EFR3B: variants seen among roughly 807,000 people sequenced by gnomAD.
EFR3B encodes protein EFR3 homolog B.
In EFR3B, 64 loss-of-function variants were observed where a neutral mutation model predicts 104.7. The ratio of observed to expected loss-of-function variants is 0.61; its 90% CI spans 0.50 to 0.75. The LOEUF is 0.75. Ranked by LOEUF, EFR3B falls within the 30% of genes least tolerant of loss-of-function variation. The pLI is 0.00. For synonymous variants in EFR3B, 385 were observed against 417.9 expected, an observed-to-expected ratio of 0.92 and a Z score of 0.96; for missense variants, 750 against 1,078.5, an observed-to-expected ratio of 0.70 and a Z score of 4.27.
intron 4 of EFR3B, 89 bp from the exon 5 acceptor site, chr2:25,121,584 T>C: frequency 6.7e-7 from 1 of 1,499,940 alleles, no homozygotes; most frequent in Non-Finnish European, 9.0e-7. Context: ...TCCCATGGCT[T>C]GACCATGGCA....
intron 17 of EFR3B, 132 bp from the exon 18 acceptor site, chr2:25,143,603 T>C (rs1670734899): frequency 1.7e-6 from 2 of 1,145,944 alleles, no homozygotes; most frequent in Non-Finnish European, 2.4e-6. Flanking sequence ...GAGGTTGCAA[T>C]GAGCCGAGAT....
intron 4 of EFR3B, among the ~76,000 whole-genome samples, chr2:25,112,122 G>A (rs1485378775): frequency 6.6e-6 from 1 of 152,256 alleles, no homozygotes; most frequent in South Asian, 2.1e-4. Context: ...AACTCTTGTG[G>A]TTTTAACTGT....
chr2:25,145,417 T>A, intron 19 of EFR3B: 1 of 343,024 alleles, frequency 2.9e-6, no homozygotes, highest in Non-Finnish European at 5.3e-6. Flanking sequence ...CAAAAAATAA[T>A]TGAAAAATCA....
Position 25,042,641 on chromosome 2 carries a change from C to G in EFR3B, c.7+322C>G. On this transcript the variant is annotated intron_variant, in intron 1 of 22. Coordinates refer to ENST00000403714, the MANE Select transcript of EFR3B (RefSeq NM_014971.2). This position sits in a 1 kb window ranked among gnomAD's most constrained non-coding sequence, Gnocchi z 5.4. ...AGTGCTGGAGGAGGTGGTCGTGTGG[C>G]AGCATTTGCGGAATTAACAAAAGCG... is the stretch of plus-strand genomic sequence containing the variant. 8.8e-7 allele frequency: 1 copy of G among 1,131,134 alleles called. No individual in the cohort carries two copies. Among genetic ancestry groups the G allele is most frequent in the Non-Finnish European group, 1.1e-6 (1 of 924,004 alleles). 70.1% of individuals were successfully genotyped at this position (1,131,134 alleles called of 1,614,324 possible).
In EFR3B at chr2:25,158,774, G is replaced by C. The variant is rs1412818743; in HGVS notation, c.*4434G>C. ...CATGACTGTTGATTTCTGGCGCGTG[G>C]AGGCAGAGTTGTGAATCCACAAATG... On this transcript the variant is annotated 3_prime_UTR_variant, in exon 23 of 23. Transcript: ENST00000403714. 1 of 152,246 alleles carries C rather than the reference G, an allele frequency of 6.6e-6. No individual in the cohort carries two copies. Among genetic ancestry groups the C allele is most frequent in the Non-Finnish European group, 1.5e-5 (1 of 68,096 alleles). 9.4% of individuals were successfully genotyped at this position (152,246 alleles called of 1,614,324 possible). A position where few individuals can be genotyped will look rare whatever the true frequency, so the allele number is the denominator to read the frequency against.
rs779274599 is a variant in EFR3B at position 25,143,825 on chromosome 2, G to A, written c.2013G>A (p.Ser671=). The change falls in exon 18 of 23, where the codon TCG becomes TCA. Residue 671 remains serine (S), a synonymous_variant. Transcript: ENST00000403714. ...TCCTGGGAGGCAGTGGCTACAACTCGGACCGGCTCTGCCTGCCCTACATTC... is the reference window on the plus strand; with the variant it reads ...TCCTGGGAGGCAGTGGCTACAACTCAGACCGGCTCTGCCTGCCCTACATTC... ...SEVLGGSGYN[S]DRLCLPYIPQ... The A allele has an allele frequency of 5.8e-6, 9 of 1,551,532 alleles. No homozygotes were observed. The highest frequency in any genetic ancestry group is 2.7e-5 in the African/African-American group (2 of 73,036).
chr2:25,141,067 G>A (rs1410444080), intron 16 of EFR3B, among the ~76,000 whole-genome samples: 2 of 151,180 alleles, frequency 1.3e-5, no homozygotes, highest in Non-Finnish European at 2.9e-5. Flanking sequence ...AAAAGCATAG[G>A]AATGAGGCAT....
Position 25,142,142 on chromosome 2 carries a change from T to C in EFR3B, c.1922+709T>C, listed in dbSNP as rs375653689. On this transcript the variant is annotated intron_variant, in intron 17 of 22. Coordinates refer to ENST00000403714, the MANE Select transcript of EFR3B (RefSeq NM_014971.2). ...AGCAAGAACCCATCTCTACAAAAAA[T>C]GTTTAAAAATTTTGCCCGGGCTGGG... is the stretch of plus-strand genomic sequence containing the variant. Among the ~76,000 whole-genome samples, 96 of 152,002 alleles carry C rather than the reference T, an allele frequency of 6.3e-4. 1 individual carries two copies. The South Asian group carries it at 0.019, about 30-fold the overall frequency.
At chr2:25,141,040 CAA>C (rs78559860) in intron 16 of EFR3B, among the ~76,000 whole-genome samples, 21 of 74,376 alleles carry the variant, frequency 2.8e-4, no homozygotes, top group African/African-American at 2.9e-4. Flanking sequence ...GACTCCGTCT[CAA>C]AAAAAAAAAA....
intron 4 of EFR3B, among the ~76,000 whole-genome samples, chr2:25,107,156 G>A (rs990704223): frequency 2.8e-4 from 42 of 152,128 alleles, no homozygotes; most frequent in Admixed American, 2.7e-3. Context: ...GAATCTGGGG[G>A]GTGGCAAGGT....
chr2:25,141,901 A>G (rs1395452781), intron 17 of EFR3B, among the ~76,000 whole-genome samples: 2 of 152,212 alleles, frequency 1.3e-5, no homozygotes, highest in Non-Finnish European at 2.9e-5. Flanking sequence ...AATCATGACA[A>G]TGTTTTAGAA....
In EFR3B at chr2:25,145,043, A is replaced by G. The variant is rs754248088; in HGVS notation, c.2134A>G (p.Lys712Glu). Residue 712 changes from lysine to glutamate, a missense_variant, in exon 19 of 23, where the codon AAG (lysine) becomes GAG (glutamate). Coordinates refer to ENST00000403714, the MANE Select transcript of EFR3B (RefSeq NM_014971.2). The part of the protein sequence containing the change: ...VEVESRNSPE[K>E]EERVPAEEIT... ...GGTAGAATCGAGGAACAGTCCGGAG[A>G]AGGAGGAGGTGAGTGTCCGTGCCAC... The G allele has an allele frequency of 3.2e-6, 5 of 1,551,624 alleles. No homozygotes were observed. Among genetic ancestry groups the G allele is most frequent in the East Asian group, 4.9e-5 (2 of 40,930 alleles).
At chr2:25,124,201 C>T (rs1364198303) in intron 5 of EFR3B, among the ~76,000 whole-genome samples, 1 of 151,980 alleles carries the variant, frequency 6.6e-6, no homozygotes, top group Admixed American at 6.6e-5. Context: ...TCTAGGAACC[C>T]AGAGGCTGCC....
intron 6 of EFR3B, 123 bp downstream of exon 6, chr2:25,128,455 G>A (rs1414158634): frequency 2.3e-6 from 3 of 1,313,592 alleles, no homozygotes; most frequent in Non-Finnish European, 2.1e-6. Flanking sequence ...TGGCTTTGTG[G>A]CTTGTTCTGC....
intron 1 of EFR3B, among the ~76,000 whole-genome samples, chr2:25,043,735 G>GTA (rs1214908727): frequency 1.3e-5 from 2 of 152,124 alleles, no homozygotes; most frequent in South Asian, 2.1e-4. Flanking sequence ...TGATATGTAT[G>GTA]TATATATATA....
intron 3 of EFR3B, among the ~76,000 whole-genome samples, chr2:25,103,273 A>G (rs750355282): frequency 1.9e-4 from 29 of 152,162 alleles, no homozygotes; most frequent in Non-Finnish European, 7.3e-5. Context: ...CTTGACTTGG[A>G]TTGGATAATT....
chr2:25,130,708 G>A lies in EFR3B; in HGVS notation c.849+78G>A. On this transcript the variant is annotated intron_variant, in intron 8 of 22. Transcript: ENST00000403714. This position sits in a 1 kb window ranked among gnomAD's most constrained non-coding sequence, Gnocchi z 4.6. The stretch of plus-strand genomic sequence containing the variant: ...AGCTAGACGGGTGCTAAAATAGAAA[G>A]CCAGAAGTCCCCTGTGACTCCTCCG... The A allele has an allele frequency of 7.4e-7, 1 of 1,349,508 alleles. No homozygotes were observed. Among genetic ancestry groups the A allele is most frequent in the Admixed American group, 2.0e-5 (1 of 50,626 alleles). 83.6% of individuals were successfully genotyped at this position (1,349,508 alleles called of 1,614,324 possible). A position where few individuals can be genotyped will look rare whatever the true frequency, so the allele number is the denominator to read the frequency against.
At position 25,137,750 on chromosome 2, in the gene EFR3B, G is replaced by T. The variant is rs190802822; in HGVS notation, c.1722+248G>T. On this transcript the variant is annotated intron_variant, in intron 15 of 22. Transcript: ENST00000403714. The surrounding 1 kb of genome is among the most constrained non-coding windows in gnomAD (Gnocchi z 4.7). ...TAAAGAAGACCCAGGGAACCGGGTC[G>T]TTCAGAAACATCCCTTAGCTACTAC... 9.1e-4 allele frequency among the ~76,000 whole-genome samples: 139 copies of T among 152,292 alleles called. No individual in the cohort carries two copies. The highest frequency in any genetic ancestry group is 1.6e-3 in the Non-Finnish European group (108 of 68,034).
Position 25,136,153 on chromosome 2 carries a change from C to T in EFR3B, c.1485-370C>T, listed in dbSNP as rs933035328. On this transcript the variant is annotated intron_variant, in intron 13 of 22. Coordinates refer to ENST00000403714, the MANE Select transcript of EFR3B (RefSeq NM_014971.2). The surrounding 1 kb of genome is among the most constrained non-coding windows in gnomAD (Gnocchi z 4.0). ...CAACATAGTGAGACCCCCATCTCTACAAGAAAATTTAAAAATTAGCCGAGT... is the reference window on the plus strand; with the variant it reads ...CAACATAGTGAGACCCCCATCTCTATAAGAAAATTTAAAAATTAGCCGAGT... Among the ~76,000 whole-genome samples, 39 of 152,098 alleles carry T rather than the reference C, an allele frequency of 2.6e-4. No individual in the cohort carries two copies. The highest frequency in any genetic ancestry group is 9.4e-4 in the African/African-American group (39 of 41,486).
Sources: allele counts gnomAD v4.1 joint callset (sites outside exome capture counted in the v4.1 genomes callset), GRCh38; gene constraint gnomAD v4.1.1; non-coding constraint Gnocchi (gnomAD v3.1); transcripts MANE v1.5; gene names NCBI Gene and HGNC (gene_info 2026-07-23, HGNC 2026-07-21).